Variants in PPP6R2 observed in about 807,000 individuals in gnomAD.
The protein encoded by PPP6R2 is protein phosphatase 6 regulatory subunit 2.
A neutral mutation model predicts 100.2 loss-of-function variants in PPP6R2; 62 were observed. The ratio of observed to expected loss-of-function variants is 0.62; its 90% CI spans 0.50 to 0.76. The LOEUF (loss-of-function observed/expected upper bound fraction) is 0.76. Ranked by LOEUF, PPP6R2 falls within the 30% of genes least tolerant of loss-of-function variation. The pLI is 0.00. For synonymous variants in PPP6R2, 525 were observed against 514.7 expected, an observed-to-expected ratio of 1.02 and a Z score of -0.27; for missense variants, 1,142 against 1,276.3, an observed-to-expected ratio of 0.89 and a Z score of 1.60.
chr22:50,424,451 CGTCTGTCAGCGTGTGGAAG>C (rs1569472466), intron 10 of PPP6R2, among the ~76,000 whole-genome samples: 9 of 80,210 alleles, frequency 1.1e-4, no homozygotes, highest in African/African-American at 4.0e-4. Context: ...GCGTGTGGAA[CGTCTGTCAGCGTGTGGAAG>C]GTCCGTCCGC....
chr22:50,401,423 G>T (rs1398291830), intron 3 of PPP6R2, among the ~76,000 whole-genome samples: 1 of 151,352 alleles, frequency 6.6e-6, no homozygotes, highest in Non-Finnish European at 1.5e-5. Flanking sequence ...TAGCCAGGAT[G>T]GTCTCGATCT....
chr22:50,340,054 G>GGTGTGTGGTGTGTGAT (rs1569219311), upstream of PPP6R2, among the ~76,000 whole-genome samples: 1 of 130,220 alleles, frequency 7.7e-6, no homozygotes, highest in East Asian at 2.5e-4. Context: ...TTTAGGGTGT[G>GGTGTGTGGTGTGTGAT]GTGTGTGGTG....
chr22:50,437,369 G>C (rs1235669645), intron 15 of PPP6R2, 137 bp from the exon 16 acceptor site: 7 of 688,374 alleles, frequency 1.0e-5, no homozygotes, highest in Admixed American at 2.2e-5. Context: ...CCTGAACAGA[G>C]TTTACTGCCC....
Position 50,352,993 on chromosome 22 carries a change from C to T in PPP6R2, c.-148+9443C>T, listed in dbSNP as rs1436436497. ...GTAGGAGGATGGCTTGAATCTGGGA[C>T]GTCAGAGCTGCAGTGAGCTGTGATG... is the stretch of plus-strand genomic sequence containing the variant. On this transcript the variant is annotated intron_variant, in intron 1 of 23. Coordinates refer to ENST00000612753, the MANE Select transcript of PPP6R2 (RefSeq NM_001242898.2). Among the ~76,000 whole-genome samples the T allele has an allele frequency of 3.3e-5, 5 of 152,122 alleles. No individual in the cohort carries two copies. In the East Asian group the frequency reaches 5.8e-4, roughly 18 times the overall value.
chr22:50,331,442 C>T, the PPP6R2 span, among the ~76,000 whole-genome samples: 1 of 152,096 alleles, frequency 6.6e-6, no homozygotes, highest in Admixed American at 6.6e-5. Flanking sequence ...TTCTCCACAT[C>T]CTCCCCAACG....
chr22:50,417,650 C>T (rs1281716900), intron 6 of PPP6R2, among the ~76,000 whole-genome samples: 1 of 152,208 alleles, frequency 6.6e-6, no homozygotes, highest in African/African-American at 2.4e-5. Flanking sequence ...GCTGATCAGA[C>T]AGACAGGAGA....
intron 22 of PPP6R2, among the ~76,000 whole-genome samples, chr22:50,442,229 G>A (rs1447102884): frequency 6.6e-6 from 1 of 152,206 alleles, no homozygotes. Flanking sequence ...CCTGCTCACT[G>A]ACCCCCGGCA....
chr22:50,374,911 C>CAAAAAA (rs60035779), intron 2 of PPP6R2, among the ~76,000 whole-genome samples: 66 of 80,776 alleles, frequency 8.2e-4, no homozygotes, highest in African/African-American at 1.5e-3. Context: ...GACTCTGTCT[C>CAAAAAA]AAAAAAAAAA....
chr22:50,343,129 C>T (rs901431387), upstream of PPP6R2, among the ~76,000 whole-genome samples: 2 of 151,938 alleles, frequency 1.3e-5, no homozygotes, highest in Non-Finnish European at 2.9e-5. Flanking sequence ...CACTCTTACC[C>T]CACCCACTCC....
chr22:50,412,929 G>A (rs1434686691), intron 4 of PPP6R2, among the ~76,000 whole-genome samples: 1 of 150,220 alleles, frequency 6.7e-6, no homozygotes, highest in African/African-American at 2.5e-5. Context: ...ACAGGTGTGA[G>A]CCACTGCGCC....
intron 1 of PPP6R2, among the ~76,000 whole-genome samples, chr22:50,359,415 T>C (rs1452007609): frequency 6.6e-6 from 1 of 152,024 alleles, no homozygotes; most frequent in Non-Finnish European, 1.5e-5. Flanking sequence ...AGATGGGGTT[T>C]GCCGTGTTAG....
Position 50,406,073 on chromosome 22 carries a change from C to A in PPP6R2, c.228-616C>A, listed in dbSNP as rs570403266. ...TGAAGGCCTGGAGAGAGGTGAGAGG[C>A]CTGGCAGGCGAGTGTGAAGGCCTGG... On this transcript the variant is annotated intron_variant, in intron 3 of 23. Transcript: ENST00000612753. Among the ~76,000 whole-genome samples, 6 of 124,410 alleles carry A rather than the reference C, an allele frequency of 4.8e-5. No homozygotes were observed. In the South Asian group the frequency reaches 1.6e-3, roughly 34 times the overall value. 81.6% of individuals were successfully genotyped at this position (124,410 alleles called of 152,430 possible). A position where few individuals can be genotyped will look rare whatever the true frequency, so the allele number is the denominator to read the frequency against.
At chr22:50,440,155 C>A in intron 21 of PPP6R2, 106 bp downstream of exon 21, 1 of 997,292 alleles carries the variant, frequency 1.0e-6, no homozygotes, top group Non-Finnish European at 1.5e-6. Context: ...CGGGGCCTCG[C>A]ATGCTGCTAC....
chr22:50,381,785 G>A (rs558209406), intron 2 of PPP6R2, among the ~76,000 whole-genome samples: 6 of 152,024 alleles, frequency 3.9e-5, no homozygotes, highest in South Asian at 2.1e-4. Flanking sequence ...GCGGGCTCCC[G>A]TAGTCCCAGC....
At chr22:50,387,463 A>T (rs1053050485) in intron 2 of PPP6R2, among the ~76,000 whole-genome samples, 2 of 151,974 alleles carry the variant, frequency 1.3e-5, no homozygotes, top group African/African-American at 4.8e-5. Flanking sequence ...TCCCCGGTGG[A>T]CTATGCTCAG....
chr22:50,352,232 C>T (rs950965482), intron 1 of PPP6R2, among the ~76,000 whole-genome samples: 4 of 152,186 alleles, frequency 2.6e-5, no homozygotes, highest in African/African-American at 9.6e-5. Context: ...AGAGCCATCG[C>T]GCCCGGCCGG....
At chr22:50,355,525 G>T (rs563879075) in intron 1 of PPP6R2, among the ~76,000 whole-genome samples, 62 of 143,516 alleles carry the variant, frequency 4.3e-4, no homozygotes, top group Admixed American at 7.8e-4. Flanking sequence ...CACTGCGCCC[G>T]GCCTTTTTTT....
intron 10 of PPP6R2, among the ~76,000 whole-genome samples, chr22:50,429,811 T>C (rs6010106): frequency 0.039 from 5,961 of 152,214 alleles, 227 homozygotes; most frequent in African/African-American, 0.098. Flanking sequence ...TGACTCCATG[T>C]TACAGATGAG....
At chr22:50,393,813 C>A in intron 2 of PPP6R2, 80 bp from the exon 3 acceptor site, 2 of 1,577,224 alleles carry the variant, frequency 1.3e-6, no homozygotes, top group East Asian at 4.5e-5. Context: ...AGAGAAATGA[C>A]CCCTTTGGAC....
Sources: gnomAD v4.1 joint callset for allele counts (sites outside exome capture counted in the v4.1 genomes callset) on GRCh38, gnomAD v4.1.1 for gene constraint, MANE v1.5 for transcripts, NCBI Gene and HGNC (gene_info 2026-07-23, HGNC 2026-07-21) for gene names.